The following LUC7L3 variants were observed in gnomAD, a reference collection of about 807,000 sequenced individuals.
LUC7L3 encodes the protein luc7-like protein 3.
In LUC7L3, 6 loss-of-function variants were observed where a neutral mutation model predicts 66.8. The observed-to-expected ratio is 0.09, with a 90% confidence interval of 0.05 to 0.18. The LOEUF is 0.18. Among genes scored for constraint, LUC7L3 ranks in the 10% least tolerant of loss-of-function variants. The pLI, the probability that LUC7L3 is intolerant of heterozygous loss-of-function variation, is 1.00. For missense variants in LUC7L3, 341 were observed against 531.1 expected, an observed-to-expected ratio of 0.64 and a Z score of 3.52; for synonymous variants, 160 against 174.7, an observed-to-expected ratio of 0.92 and a Z score of 0.66.
rs933783668 is a variant in LUC7L3, at chr17:50,737,038, T to C, written c.166+12T>C. 6.9e-6 allele frequency: 11 copies of C among 1,589,890 alleles called. No homozygotes were observed. Among genetic ancestry groups the C allele is most frequent in the Non-Finnish European group, 8.6e-6 (10 of 1,163,202 alleles). ...ACGTTCTGATCTTGGTAAGTGAATT[T>C]TCTGTGTAACTTTTATCAAATTTAT... is the stretch of plus-strand genomic sequence containing the variant. On this transcript the variant is annotated intron_variant, in intron 2 of 9. Transcript: ENST00000505658.
At chr17:50,724,385 G>A (rs1969016348) in intron 1 of LUC7L3, among the ~76,000 whole-genome samples, 1 of 152,102 alleles carries the variant, frequency 6.6e-6, no homozygotes, top group Non-Finnish European at 1.5e-5. Context: ...GCTGGGCGTA[G>A]TGGTGCATTC....
chr17:50,735,116 G>A (rs1049959028), intron 1 of LUC7L3, among the ~76,000 whole-genome samples: 1 of 151,994 alleles, frequency 6.6e-6, no homozygotes, highest in Non-Finnish European at 1.5e-5. Flanking sequence ...TGTAATCCCA[G>A]CTACTTGGGA....
intron 1 of LUC7L3, among the ~76,000 whole-genome samples, chr17:50,732,977 A>G (rs1403855730): frequency 6.6e-6 from 1 of 152,198 alleles, no homozygotes; most frequent in East Asian, 1.9e-4. Context: ...CATGCTTGAG[A>G]GTCAGGAGGG....
intron 7 of LUC7L3, among the ~76,000 whole-genome samples, chr17:50,745,451 A>T (rs1173191240): frequency 6.6e-5 from 10 of 152,232 alleles, no homozygotes; most frequent in Non-Finnish European, 1.5e-4. Context: ...TTTTTGAAGC[A>T]TTGTGAGTTC....
chr17:50,733,960 G>T (rs1969813115), intron 1 of LUC7L3, among the ~76,000 whole-genome samples: 1 of 152,072 alleles, frequency 6.6e-6, no homozygotes, highest in African/African-American at 2.4e-5. Flanking sequence ...TCGAGTATTG[G>T]CATTGGTATT....
intron 1 of LUC7L3, among the ~76,000 whole-genome samples, chr17:50,734,636 A>G (rs1969859316): frequency 1.3e-5 from 2 of 152,136 alleles, no homozygotes; most frequent in South Asian, 2.1e-4. Context: ...ACAGGCCTGC[A>G]CCACTGTGCC....
chr17:50,724,323 C>G (rs1408831917), intron 1 of LUC7L3: 1 of 155,696 alleles, frequency 6.4e-6, no homozygotes, highest in East Asian at 1.9e-4. Context: ...AGTTCGAGAC[C>G]AGCCTGGCCA....
rs759220436 is a variant in LUC7L3, at chr17:50,719,730, A to G, written c.-3A>G. 24 of 1,610,564 alleles carry G rather than the reference A, an allele frequency of 1.5e-5. No individual in the cohort carries two copies. In the South Asian group the frequency reaches 1.8e-4, roughly 12 times the overall value. ...GTGGGAACAGCCGCCCGAAGGAAGC[A>G]CCATGATTTCGGCCGCGCAGTTGTT... On this transcript the variant is annotated 5_prime_UTR_variant, in exon 1 of 10. Coordinates refer to ENST00000505658, the MANE Select transcript of LUC7L3 (RefSeq NM_016424.5).
chr17:50,741,273 A>G, intron 4 of LUC7L3, 27 bp downstream of exon 4: 28 of 1,606,646 alleles, frequency 1.7e-5, no homozygotes, highest in Non-Finnish European at 2.4e-5. Flanking sequence ...CAGTCTTTGT[A>G]AACGGTCCTT....
In LUC7L3 at chr17:50,755,498, G is replaced by T. The variant is rs577079191; in HGVS notation, c.*4837G>T. On this transcript the variant is annotated 3_prime_UTR_variant, in exon 10 of 10. Transcript: ENST00000505658. ...ATTTCAAGTAAGCCAAAGCAGAGAA[G>T]TAAATGTATTTTTCATTGTTGTATC... The T allele has an allele frequency of 8.5e-5, 13 of 152,312 alleles. No homozygotes were observed. In the South Asian group the frequency reaches 2.5e-3, roughly 29 times the overall value. 9.4% of individuals were successfully genotyped at this position (152,312 alleles called of 1,614,324 possible).
intron 4 of LUC7L3, 86 bp downstream of exon 4, chr17:50,741,332 C>T (rs1341899984): frequency 2.3e-6 from 3 of 1,298,774 alleles, no homozygotes; most frequent in Non-Finnish European, 3.2e-6. Context: ...AACTTGTCTT[C>T]TGTTCATTAC....
chr17:50,720,462 T>A (rs1281508395), intron 1 of LUC7L3, among the ~76,000 whole-genome samples: 1 of 152,240 alleles, frequency 6.6e-6, no homozygotes, highest in Non-Finnish European at 1.5e-5. Context: ...GTAAATATTA[T>A]AACCCCAGTT....
chr17:50,720,775 T>C (rs1441211994), intron 1 of LUC7L3, among the ~76,000 whole-genome samples: 1 of 152,232 alleles, frequency 6.6e-6, no homozygotes, highest in Non-Finnish European at 1.5e-5. Flanking sequence ...GAAAACTGTT[T>C]TCTTACTCTT....
At position 50,751,077 on chromosome 17, in the gene LUC7L3, G is replaced by C; in HGVS notation, c.*416G>C. 1 of 1,440,332 alleles carries C rather than the reference G, an allele frequency of 6.9e-7. No individual in the cohort carries two copies. Among genetic ancestry groups the C allele is most frequent in the South Asian group, 1.5e-5 (1 of 65,994 alleles). The allele number at this position is 1,440,332 out of a possible 1,614,324, so 89.2% of individuals were successfully genotyped here. ...CATCTTGTGTTGGTACATTGGCAGA[G>C]ACATATGCTTTAAAAACTTAAATAT... On this transcript the variant is annotated 3_prime_UTR_variant, in exon 10 of 10. Transcript: ENST00000505658.
At chr17:50,727,638 C>G (rs905342257) in intron 1 of LUC7L3, among the ~76,000 whole-genome samples, 4 of 151,944 alleles carry the variant, frequency 2.6e-5, no homozygotes, top group African/African-American at 9.7e-5. Flanking sequence ...AATACATTTA[C>G]CTAAAGGATT....
At chr17:50,729,786 T>C (rs1372191361) in intron 1 of LUC7L3, among the ~76,000 whole-genome samples, 8 of 151,770 alleles carry the variant, frequency 5.3e-5, no homozygotes, top group Non-Finnish European at 8.8e-5. Context: ...GTAATTAGGA[T>C]TGGCTATTTA....
At chr17:50,743,563 A>G in intron 5 of LUC7L3, 143 bp from the exon 6 acceptor site, 1 of 597,904 alleles carries the variant, frequency 1.7e-6, no homozygotes, top group East Asian at 2.9e-5. Context: ...AAAAAAATCC[A>G]GGATAAATTA....
intron 1 of LUC7L3, among the ~76,000 whole-genome samples, chr17:50,725,681 C>T (rs954079390): frequency 1.3e-5 from 2 of 152,064 alleles, no homozygotes; most frequent in Non-Finnish European, 2.9e-5. Flanking sequence ...TATATTGGAA[C>T]ATTTTTTGGA....
chr17:50,736,094 C>G (rs1449040841), intron 1 of LUC7L3, among the ~76,000 whole-genome samples: 1 of 152,146 alleles, frequency 6.6e-6, no homozygotes, highest in Non-Finnish European at 1.5e-5. Flanking sequence ...GATGGTGCCA[C>G]TGTGCTCTAG....
Sources: gnomAD v4.1 joint callset for allele counts (sites outside exome capture counted in the v4.1 genomes callset) on GRCh38, gnomAD v4.1.1 for gene constraint, MANE v1.5 for transcripts, NCBI Gene and HGNC (gene_info 2026-07-23, HGNC 2026-07-21) for gene names.